Variants in TMED10 observed in about 807,000 individuals in gnomAD.
TMED10 encodes the protein transmembrane p24 trafficking protein 10, also known as transmembrane emp24 domain-containing protein 10.
Under a neutral mutation model 23.1 loss-of-function variants are expected in TMED10, and 7 were observed. The ratio of observed to expected loss-of-function variants is 0.30; its 90% CI spans 0.17 to 0.57. The LOEUF (loss-of-function observed/expected upper bound fraction) is 0.57. Ranked by LOEUF, TMED10 falls within the 20% of genes least tolerant of loss-of-function variation. The probability of loss-of-function intolerance (pLI) is 0.91; values close to 1 mark genes in which losing one functional copy is unlikely to be tolerated. For missense variants in TMED10, 162 were observed against 274.8 expected (o/e 0.59, Z 2.90); for synonymous variants, 113 against 106.9 (o/e 1.06, Z -0.35).
intron 1 of TMED10, among the ~76,000 whole-genome samples, chr14:75,156,400 G>C (rs1412039998): frequency 6.6e-6 from 1 of 151,904 alleles, no homozygotes; most frequent in African/African-American, 2.4e-5. Flanking sequence ...TTTTAAGGAG[G>C]TAGAGTCTAC....
rs1352373829 is a variant in TMED10 at position 75,133,652 on chromosome 14, G to A, written c.*1233C>T. The A allele has an allele frequency of 6.4e-6, 1 of 155,836 alleles. No homozygotes were observed. The highest frequency in any genetic ancestry group is 1.9e-4 in the East Asian group (1 of 5,272). The allele number at this position is 155,836 out of a possible 1,614,324, so 9.7% of individuals were successfully genotyped here. A position where few individuals can be genotyped will look rare whatever the true frequency, so the allele number is the denominator to read the frequency against. On this transcript the variant is annotated 3_prime_UTR_variant, in exon 5 of 5. Coordinates refer to ENST00000303575, the MANE Select transcript of TMED10 (RefSeq NM_006827.6). ...TACAACCCAACAGTTGCCCTTTTGA[G>A]CATTTATCCCAGAAAATGAAAATGT... is the stretch of plus-strand genomic sequence containing the variant.
Position 75,135,823 on chromosome 14 carries a change from C to T in TMED10, c.475G>A (p.Glu159Lys). ...TAGGCAAAATCATTAACAATAGATT[C>T]TGAAAGGTCTTCTAGGCGTCGCAGC... Reference protein sequence around the residue: ...VELRRLEDLSESIVNDFAYMK... With the variant: ...VELRRLEDLSKSIVNDFAYMK... Residue 159 changes from glutamate to lysine, a missense_variant, in exon 4 of 5, where the codon GAA becomes AAA. Glu to Lys is a moderately conservative substitution (Grantham distance 56). Around this residue, in one of 2 missense-constraint regions of TMED10, gnomAD observed 126 missense variants for 239.5 expected, o/e 0.53. Coordinates refer to ENST00000303575, the MANE Select transcript of TMED10 (RefSeq NM_006827.6). 1 of 1,614,166 alleles carries T rather than the reference C, an allele frequency of 6.2e-7. No individual in the cohort carries two copies. Among genetic ancestry groups the T allele is most frequent in the East Asian group, 2.2e-5 (1 of 44,878 alleles).
rs562437365 is a variant in TMED10 at position 75,143,646 on chromosome 14, A to G, written c.411+4018T>C. On this transcript the variant is annotated intron_variant, in intron 3 of 4. Coordinates refer to ENST00000303575, the MANE Select transcript of TMED10 (RefSeq NM_006827.6). ...CTAGTCTAACACAAGCAAGATAAAC[A>G]TAACAGAGCTGGCACAGTGGCTCAT... Among the ~76,000 whole-genome samples, 11 of 152,136 alleles carry G rather than the reference A, an allele frequency of 7.2e-5. No individual in the cohort carries two copies. In the East Asian group the frequency reaches 1.4e-3, roughly 19 times the overall value.
intron 3 of TMED10, among the ~76,000 whole-genome samples, chr14:75,144,405 TTC>T (rs1895858242): frequency 6.6e-6 from 1 of 152,242 alleles, no homozygotes; most frequent in Non-Finnish European, 1.5e-5. Flanking sequence ...GACAAAGGCA[TTC>T]TTTCTCTTTA....
intron 1 of TMED10, among the ~76,000 whole-genome samples, chr14:75,166,664 G>C (rs188442707): frequency 5.3e-5 from 8 of 152,238 alleles, no homozygotes; most frequent in Non-Finnish European, 4.4e-5. Flanking sequence ...AGGACGCAAA[G>C]GTCAAGTTAT....
intron 2 of TMED10, among the ~76,000 whole-genome samples, chr14:75,150,965 C>T (rs1895948777): frequency 6.6e-6 from 1 of 152,160 alleles, no homozygotes; most frequent in African/African-American, 2.4e-5. Context: ...TGCAGTGGTA[C>T]GATCTTGGCT....
At chr14:75,137,696 G>GTTTT (rs1895769513) in intron 3 of TMED10, among the ~76,000 whole-genome samples, 1 of 125,832 alleles carries the variant, frequency 7.9e-6, no homozygotes, top group Non-Finnish European at 1.6e-5. Context: ...AAAAAATTCT[G>GTTTT]TTTCTTTCTT....
chr14:75,173,073 T>C (rs1896254808), intron 1 of TMED10, among the ~76,000 whole-genome samples: 1 of 152,192 alleles, frequency 6.6e-6, no homozygotes, highest in African/African-American at 2.4e-5. Context: ...CAAAATCTGG[T>C]GTTCCTATTT....
chr14:75,131,975 A>G lies in TMED10; in HGVS notation c.*2910T>C, dbSNP rs552892014. On this transcript the variant is annotated 3_prime_UTR_variant, in exon 5 of 5. Transcript: ENST00000303575. ...CTTCTTGACATTTTGTCACATCACA[A>G]GAACATAACTAAGAGAGTAGCTTTC... 3.3e-5 allele frequency: 5 copies of G among 152,780 alleles called. No individual in the cohort carries two copies. Among genetic ancestry groups the G allele is most frequent in the Non-Finnish European group, 7.3e-5 (5 of 68,050 alleles). The allele number at this position is 152,780 out of a possible 1,614,324, so 9.5% of individuals were successfully genotyped here.
At chr14:75,147,634 G>A in intron 3 of TMED10, 30 bp downstream of exon 3, 1 of 1,609,714 alleles carries the variant, frequency 6.2e-7, no homozygotes. Flanking sequence ...GCACACTGCT[G>A]CCTCCTCTGG....
chr14:75,152,669 T>C (rs979683349), intron 1 of TMED10, among the ~76,000 whole-genome samples: 3 of 152,108 alleles, frequency 2.0e-5, no homozygotes, highest in Non-Finnish European at 4.4e-5. Flanking sequence ...ATCCAGGAGA[T>C]CTATTCCTGC....
intron 1 of TMED10, among the ~76,000 whole-genome samples, chr14:75,170,153 G>A (rs955679467): frequency 3.9e-5 from 6 of 152,092 alleles, no homozygotes; most frequent in South Asian, 2.1e-4. Flanking sequence ...TGTGAACCCC[G>A]GGGAGCAGAG....
chr14:75,148,837 TCA>T (rs1203453531), intron 2 of TMED10, among the ~76,000 whole-genome samples: 1 of 152,228 alleles, frequency 6.6e-6, no homozygotes. Context: ...TGTGCCCCTC[TCA>T]AAGTTCATGT....
chr14:75,169,515 G>A (rs759129309), intron 1 of TMED10, among the ~76,000 whole-genome samples: 1 of 152,088 alleles, frequency 6.6e-6, no homozygotes, highest in Non-Finnish European at 1.5e-5. Context: ...AAAATTAGCC[G>A]GGAGTAGTGG....
At chr14:75,169,344 C>CTA (rs1432579770) in intron 1 of TMED10, among the ~76,000 whole-genome samples, 1 of 152,162 alleles carries the variant, frequency 6.6e-6, no homozygotes, top group Non-Finnish European at 1.5e-5. Context: ...AACCAAGGCA[C>CTA]TATATTCACA....
rs1265050919 is a variant in TMED10 at position 75,134,150 on chromosome 14, GT to G, written c.*734del. The G allele has an allele frequency of 6.2e-6, 1 of 160,954 alleles. No individual in the cohort carries two copies. Among genetic ancestry groups the G allele is most frequent in the Non-Finnish European group, 1.4e-5 (1 of 73,358 alleles). 10.0% of individuals were successfully genotyped at this position (160,954 alleles called of 1,614,324 possible). A position where few individuals can be genotyped will look rare whatever the true frequency, so the allele number is the denominator to read the frequency against. Reference sequence around the variant, plus strand: ...TAAAAGGGCAGTGCAAGGGATCCATGTGACAGAACTGTTCTGTCTCTTGTGA... The same window carrying G: ...TAAAAGGGCAGTGCAAGGGATCCATGGACAGAACTGTTCTGTCTCTTGTGA... On this transcript the variant is annotated 3_prime_UTR_variant, in exon 5 of 5. Coordinates refer to ENST00000303575, the MANE Select transcript of TMED10 (RefSeq NM_006827.6).
intron 1 of TMED10, 142 bp downstream of exon 1, chr14:75,176,213 G>A: frequency 1.0e-6 from 1 of 1,001,300 alleles, no homozygotes. Flanking sequence ...GTGAGGGGGC[G>A]GGCTCCACCG....
rs1233929952 is a variant in TMED10 at position 75,176,568 on chromosome 14, C to T, written c.12G>A (p.Leu4=). The part of the protein sequence containing the change: MSG[L]SGPPARRGPF... Reference sequence around the variant, plus strand: ...GGCCGCGCCGGGCTGGTGGGCCAGACAAACCAGACATGGTGCTGGAGACTC... The same window carrying T: ...GGCCGCGCCGGGCTGGTGGGCCAGATAAACCAGACATGGTGCTGGAGACTC... Residue 4 remains leucine, a synonymous_variant, in exon 1 of 5, where the codon TTG becomes TTA. Coordinates refer to ENST00000303575, the MANE Select transcript of TMED10 (RefSeq NM_006827.6). The T allele has an allele frequency of 6.2e-7, 1 of 1,614,114 alleles. No homozygotes were observed. The highest frequency in any genetic ancestry group is 1.3e-5 in the African/African-American group (1 of 75,024).
At chr14:75,148,210 A>G (rs1895912068) in intron 2 of TMED10, among the ~76,000 whole-genome samples, 1 of 152,162 alleles carries the variant, frequency 6.6e-6, no homozygotes, top group South Asian at 2.1e-4. Context: ...GCCATGATGA[A>G]TTAGGATTAT....
Sources: allele counts gnomAD v4.1 joint callset (sites outside exome capture counted in the v4.1 genomes callset), GRCh38; gene constraint gnomAD v4.1.1; regional missense constraint gnomAD v4.1.1; transcripts MANE v1.5; gene names NCBI Gene and HGNC (gene_info 2026-07-23, HGNC 2026-07-21).